Variants in KDELR2 observed in about 807,000 individuals in gnomAD.
KDELR2 encodes KDEL endoplasmic reticulum protein retention receptor 2.
A neutral mutation model predicts 23.9 loss-of-function variants in KDELR2; 15 were observed. The observed-to-expected ratio is 0.63, with a 90% CI of 0.42 to 0.97. The LOEUF (loss-of-function observed/expected upper bound fraction) is 0.97, where lower values mean the gene tolerates loss of function less well. Ranked by LOEUF, KDELR2 falls within the 50% of genes least tolerant of loss-of-function variation. The probability of loss-of-function intolerance (pLI) is 0.00; values close to 1 mark genes in which losing one functional copy is unlikely to be tolerated. For missense variants in KDELR2, 272 were observed against 254.6 expected (o/e 1.07, Z -0.46); for synonymous variants, 119 against 106.2 (o/e 1.12, Z -0.74).
At chr7:6,478,937 T>C (rs1583321067) in intron 1 of KDELR2, among the ~76,000 whole-genome samples, 1 of 151,720 alleles carries the variant, frequency 6.6e-6, no homozygotes, top group Non-Finnish European at 1.5e-5. Flanking sequence ...TACAGGTGCC[T>C]GCCACCACGC....
Position 6,463,191 on chromosome 7 carries a change from G to A in KDELR2, c.605-16C>T, listed in dbSNP as rs746258962. On this transcript the variant is annotated splice_polypyrimidine_tract_variant and intron_variant, in intron 4 of 4. Transcript: ENST00000258739. ...CCCTTGAGTACTAGAATTTCAAAGA[G>A]AAGAAAAGAAAACAAAAGGTTACTG... 5.6e-6 allele frequency: 9 copies of A among 1,600,788 alleles called. No individual in the cohort carries two copies. The South Asian group carries it at 7.9e-5, about 14-fold the overall frequency.
At chr7:6,463,292 G>C in intron 4 of KDELR2, 117 bp from the exon 5 acceptor site, 1 of 744,278 alleles carries the variant, frequency 1.3e-6, no homozygotes. Context: ...GTAAGGTATA[G>C]GAAATAAGCA....
chr7:6,468,495 A>AT (rs1785550702), intron 3 of KDELR2, among the ~76,000 whole-genome samples: 1 of 150,278 alleles, frequency 6.7e-6, no homozygotes, highest in East Asian at 2.0e-4. Context: ...CACCCAGCTA[A>AT]TTTTTGATTT....
At chr7:6,478,229 C>T (rs532463734) in intron 1 of KDELR2, among the ~76,000 whole-genome samples, 6 of 151,900 alleles carry the variant, frequency 3.9e-5, no homozygotes, top group Admixed American at 2.0e-4. Context: ...GATCACAGCT[C>T]GCTGCAGCCT....
chr7:6,476,946 G>A (rs905442828), intron 1 of KDELR2, among the ~76,000 whole-genome samples: 5 of 152,164 alleles, frequency 3.3e-5, no homozygotes, highest in Admixed American at 6.6e-5. Context: ...ATGGGACACT[G>A]GGCCCTGACA....
chr7:6,482,612 TGTAA>T (rs758850337), intron 1 of KDELR2: 55 of 469,130 alleles, frequency 1.2e-4, no homozygotes, highest in African/African-American at 1.0e-3. Context: ...GATTCAGAGA[TGTAA>T]GTGTGACTTT....
At chr7:6,467,359 T>C (rs779719045) in intron 3 of KDELR2, among the ~76,000 whole-genome samples, 1 of 152,192 alleles carries the variant, frequency 6.6e-6, no homozygotes, top group Non-Finnish European at 1.5e-5. Flanking sequence ...TGTGGTTAAA[T>C]CAAAGGGGTA....
chr7:6,470,895 A>T (rs1419824535), intron 2 of KDELR2, among the ~76,000 whole-genome samples: 1 of 151,994 alleles, frequency 6.6e-6, no homozygotes, highest in Non-Finnish European at 1.5e-5. Context: ...CAGGCGGATC[A>T]TGAGGTCAGG....
rs561400752 is a variant in KDELR2 at position 6,468,293 on chromosome 7, C to G, written c.351+1303G>C. On this transcript the variant is annotated intron_variant, in intron 3 of 4. Coordinates refer to ENST00000258739, the MANE Select transcript of KDELR2 (RefSeq NM_006854.4). The stretch of plus-strand genomic sequence containing the variant: ...AAAACCTACACGATCTGCAAACATG[C>G]AAATAGGTCCATTCTAGATAACCAG... Among the ~76,000 whole-genome samples, 50 of 152,262 alleles carry G rather than the reference C, an allele frequency of 3.3e-4. No individual in the cohort carries two copies. In the South Asian group the frequency reaches 8.7e-3, roughly 27 times the overall value.
chr7:6,468,570 A>G (rs1785553792), intron 3 of KDELR2, among the ~76,000 whole-genome samples: 2 of 152,070 alleles, frequency 1.3e-5, no homozygotes, highest in South Asian at 4.1e-4. Context: ...CAGTAGCGCG[A>G]TCTTGGCTCA....
chr7:6,467,453 C>T (rs994192903), intron 3 of KDELR2, among the ~76,000 whole-genome samples: 5 of 152,044 alleles, frequency 3.3e-5, no homozygotes, highest in Non-Finnish European at 7.4e-5. Flanking sequence ...TCAGAGGGTC[C>T]TTGAGTATTT....
chr7:6,475,409 G>C (rs775603806), intron 1 of KDELR2, among the ~76,000 whole-genome samples: 3 of 152,174 alleles, frequency 2.0e-5, no homozygotes, highest in Non-Finnish European at 4.4e-5. Context: ...CTGGGTGACA[G>C]AGCAAGACCC....
intron 1 of KDELR2, among the ~76,000 whole-genome samples, chr7:6,476,767 A>C (rs773345184): frequency 1.3e-5 from 2 of 152,168 alleles, no homozygotes; most frequent in Non-Finnish European, 2.9e-5. Context: ...TTCAGCAAGC[A>C]CATAAGGGGA....
At chr7:6,464,562 C>T (rs963114928) in intron 4 of KDELR2, among the ~76,000 whole-genome samples, 20 of 151,780 alleles carry the variant, frequency 1.3e-4, no homozygotes, top group South Asian at 4.2e-4. Context: ...CATGGTAGTG[C>T]GCGACTGTAA....
At chr7:6,469,564 A>C in intron 3 of KDELR2, 32 bp downstream of exon 3, 1 of 1,602,622 alleles carries the variant, frequency 6.2e-7, no homozygotes, top group African/African-American at 1.3e-5. Flanking sequence ...ATGAGCCACC[A>C]TGCCTGGCCC....
intron 3 of KDELR2, among the ~76,000 whole-genome samples, chr7:6,468,849 G>C (rs1785561062): frequency 6.6e-6 from 1 of 152,062 alleles, no homozygotes; most frequent in African/African-American, 2.4e-5. Flanking sequence ...ATGTTGGCCA[G>C]GCTGAATGCC....
At chr7:6,482,016 T>C (rs1785906481) in intron 1 of KDELR2, among the ~76,000 whole-genome samples, 1 of 133,168 alleles carries the variant, frequency 7.5e-6, no homozygotes, top group African/African-American at 2.8e-5. Flanking sequence ...TTTATTTATT[T>C]ATTTAGAGAC....
At chr7:6,479,810 G>C (rs916193605) in intron 1 of KDELR2, among the ~76,000 whole-genome samples, 2 of 152,198 alleles carry the variant, frequency 1.3e-5, no homozygotes. Flanking sequence ...ACAAGCTGCT[G>C]CTCTGAATTG....
chr7:6,471,127 A>T (rs143426456), intron 2 of KDELR2, among the ~76,000 whole-genome samples: 578 of 5,696 alleles, frequency 0.1, 3 homozygotes, highest in African/African-American at 0.21. Context: ...AAAAAATAAA[A>T]AATAAATAAA....
Sources: allele counts gnomAD v4.1 joint callset (sites outside exome capture counted in the v4.1 genomes callset), GRCh38; gene constraint gnomAD v4.1.1; transcripts MANE v1.5; gene names NCBI Gene and HGNC (gene_info 2026-07-23, HGNC 2026-07-21).